Variants in POFUT3 observed in about 807,000 individuals in gnomAD.
The protein encoded by POFUT3 is protein O-fucosyltransferase 3.
the POFUT3 span, among the ~76,000 whole-genome samples, chr8:33,441,429 G>A: frequency 7.2e-6 from 1 of 138,962 alleles, no homozygotes; most frequent in East Asian, 2.1e-4. Context: ...TGACCAGGCT[G>A]GAGTGCAATG....
the POFUT3 span, among the ~76,000 whole-genome samples, chr8:33,416,262 C>T: frequency 9.9e-5 from 15 of 152,278 alleles, no homozygotes; most frequent in East Asian, 2.5e-3. Flanking sequence ...TGGATATCCA[C>T]GTAGTAGTCA....
the POFUT3 span, among the ~76,000 whole-genome samples, chr8:33,337,968 G>A: frequency 6.6e-6 from 1 of 152,074 alleles, no homozygotes; most frequent in East Asian, 1.9e-4. Flanking sequence ...TGTCTTTTTT[G>A]ATGAGGAAGG....
chr8:33,342,841 C>T, the POFUT3 span, among the ~76,000 whole-genome samples: 1 of 152,192 alleles, frequency 6.6e-6, no homozygotes, highest in Non-Finnish European at 1.5e-5. Context: ...CACAGTGGCT[C>T]ACACCTGTAA....
chr8:33,319,753 TATATAA>T, the POFUT3 span, among the ~76,000 whole-genome samples: 1 of 58,394 alleles, frequency 1.7e-5, no homozygotes, highest in African/African-American at 1.0e-4. Context: ...TATTTATATA[TATATAA>T]TATATATATT....
the POFUT3 span, among the ~76,000 whole-genome samples, chr8:33,318,677 G>GCA: frequency 2.3e-5 from 1 of 43,252 alleles, no homozygotes; most frequent in Non-Finnish European, 3.6e-5. Flanking sequence ...TAAATATATT[G>GCA]TATATATATT....
chr8:33,379,839 AAAAAAAAATATATATAT>A, the POFUT3 span, among the ~76,000 whole-genome samples: 16 of 25,402 alleles, frequency 6.3e-4, no homozygotes, highest in African/African-American at 1.4e-3. Context: ...CTGTCTAAAA[AAAAAAAAATATATATAT>A]ATATATATAA....
the POFUT3 span, among the ~76,000 whole-genome samples, chr8:33,324,287 T>C: frequency 6.6e-6 from 1 of 152,122 alleles, no homozygotes; most frequent in African/African-American, 2.4e-5. Flanking sequence ...GTAGAGAACA[T>C]GGATAATGGT....
the POFUT3 span, among the ~76,000 whole-genome samples, chr8:33,462,842 G>A: frequency 6.6e-6 from 1 of 151,832 alleles, no homozygotes; most frequent in East Asian, 1.9e-4. Context: ...GAAGCAAGAG[G>A]ATTGCTTGAG....
chr8:33,447,756 C>A, the POFUT3 span, among the ~76,000 whole-genome samples: 1 of 152,182 alleles, frequency 6.6e-6, no homozygotes, highest in Non-Finnish European at 1.5e-5. Flanking sequence ...GCCACATAAT[C>A]CTGTGAGTTT....
chr8:33,370,310 G>A, the POFUT3 span, among the ~76,000 whole-genome samples: 3 of 151,304 alleles, frequency 2.0e-5, no homozygotes, highest in African/African-American at 4.8e-5. Context: ...AGCTGAGATC[G>A]CACCACTGCA....
the POFUT3 span, among the ~76,000 whole-genome samples, chr8:33,467,819 T>C: frequency 1.3e-5 from 2 of 152,344 alleles, no homozygotes; most frequent in Non-Finnish European, 2.9e-5. Flanking sequence ...GCTTCAAATT[T>C]TGGCCATTCA....
chr8:33,417,832 G>C, the POFUT3 span, among the ~76,000 whole-genome samples: 1 of 152,148 alleles, frequency 6.6e-6, no homozygotes, highest in Non-Finnish European at 1.5e-5. Flanking sequence ...AAGGCAGGCA[G>C]CCTGCTCAGC....
chr8:33,456,011 C>T, the POFUT3 span: 1 of 338,390 alleles, frequency 3.0e-6, no homozygotes, highest in Non-Finnish European at 5.8e-6. Context: ...AAAGTCAACA[C>T]TAGAGCAGCA....
At chr8:33,469,176 C>T in the POFUT3 span, among the ~76,000 whole-genome samples, 155 of 152,006 alleles carry the variant, frequency 1.0e-3, no homozygotes, top group Admixed American at 3.0e-3. Context: ...TGTGGTGGTG[C>T]GTGCCTATAG....
chr8:33,364,633 C>T, the POFUT3 span, among the ~76,000 whole-genome samples: 2 of 151,682 alleles, frequency 1.3e-5, no homozygotes, highest in Non-Finnish European at 3.0e-5. Flanking sequence ...CATTAACAGA[C>T]AGACAAATCA....
the POFUT3 span, among the ~76,000 whole-genome samples, chr8:33,413,197 T>G: frequency 0.4 from 60,151 of 151,978 alleles, 13,152 homozygotes; most frequent in African/African-American, 0.58. Flanking sequence ...AAATTCACAA[T>G]CTATAGCCCT....
chr8:33,457,284 C>A, the POFUT3 span, among the ~76,000 whole-genome samples: 3 of 152,036 alleles, frequency 2.0e-5, no homozygotes, highest in Admixed American at 6.6e-5. Context: ...CTCATCTCTT[C>A]TAAAAATACA....
the POFUT3 span, among the ~76,000 whole-genome samples, chr8:33,311,457 G>A: frequency 0.43 from 65,882 of 152,022 alleles, 16,121 homozygotes; most frequent in East Asian, 0.8. Context: ...AGGGAAAGGG[G>A]ATAACCATCA....
the POFUT3 span, among the ~76,000 whole-genome samples, chr8:33,319,289 A>ATTT: frequency 9.9e-5 from 6 of 60,620 alleles, no homozygotes; most frequent in African/African-American, 1.7e-4. Flanking sequence ...TATTTTATAT[A>ATTT]TATGTTTATA....
Sources: allele counts gnomAD v4.1 joint callset (sites outside exome capture counted in the v4.1 genomes callset), GRCh38; gene constraint gnomAD v4.1.1; transcripts MANE v1.5; gene names NCBI Gene and HGNC (gene_info 2026-07-23, HGNC 2026-07-21).